Variants in ADAM22 observed in about 807,000 individuals in gnomAD.
ADAM22 encodes disintegrin and metalloproteinase domain-containing protein 22.
ADAM22 carries 65 observed loss-of-function variants against 144.6 expected under a neutral mutation model. That is an observed-to-expected ratio of 0.45 (90% CI 0.37 to 0.55). The LOEUF is 0.55. Ranked by LOEUF, ADAM22 falls within the 20% of genes least tolerant of loss-of-function variation. The pLI, the probability that ADAM22 is intolerant of heterozygous loss-of-function variation, is 0.00. For synonymous variants in ADAM22, 391 were observed against 412.6 expected, an observed-to-expected ratio of 0.95 and a Z score of 0.63; for missense variants, 974 against 1,184.9, an observed-to-expected ratio of 0.82 and a Z score of 2.61.
At chr7:88,022,608 T>A (rs919101040) in intron 3 of ADAM22, among the ~76,000 whole-genome samples, 1 of 152,200 alleles carries the variant, frequency 6.6e-6, no homozygotes, top group Admixed American at 6.5e-5. Context: ...AATTTTATGA[T>A]CTGTTTTGGT....
In ADAM22 at chr7:88,125,605, C is replaced by G. The variant is rs747485610; in HGVS notation, c.624C>G (p.Asn208Lys). ...TCCTTTTAGAATTTCAGCAAGTAAA[C>G]ATTACTCCATCAAAATTTATTTTGA... Reference protein sequence around the residue: ...DDLPSEFQQVNITPSKFILKP... With the variant: ...DDLPSEFQQVKITPSKFILKP... The change falls in exon 8 of 32, where the codon AAC becomes AAG. Residue 208 changes from asparagine to lysine, a missense_variant. Asn to Lys is a moderately conservative substitution (Grantham distance 94, BLOSUM62 0). Coordinates refer to ENST00000413139, the MANE Select transcript of ADAM22 (RefSeq NM_001324418.2). 22 of 1,593,854 alleles carry G rather than the reference C, an allele frequency of 1.4e-5. No homozygotes were observed. The highest frequency in any genetic ancestry group is 1.9e-5 in the Non-Finnish European group (22 of 1,170,366).
In ADAM22 at chr7:88,201,630, T is replaced by A. The variant is rs912432577; in HGVS notation, c.*5139T>A. The A allele has an allele frequency of 1.3e-5, 2 of 152,230 alleles. No individual in the cohort carries two copies. Among genetic ancestry groups the A allele is most frequent in the Non-Finnish European group, 2.9e-5 (2 of 68,058 alleles). The allele number at this position is 152,230 out of a possible 1,614,324, so 9.4% of individuals were successfully genotyped here. A position where few individuals can be genotyped will look rare whatever the true frequency, so the allele number is the denominator to read the frequency against. On this transcript the variant is annotated 3_prime_UTR_variant, in exon 32 of 32. Coordinates refer to ENST00000413139, the MANE Select transcript of ADAM22 (RefSeq NM_001324418.2). Reference sequence around the variant, plus strand: ...CCTGCCTGATGCATCCCTGTTGCACTGTTCATAAAACCTGTATCATATGGG... The same window carrying A: ...CCTGCCTGATGCATCCCTGTTGCACAGTTCATAAAACCTGTATCATATGGG...
chr7:88,008,121 T>A (rs1211187286), intron 3 of ADAM22, among the ~76,000 whole-genome samples: 1 of 151,984 alleles, frequency 6.6e-6, no homozygotes, highest in Non-Finnish European at 1.5e-5. Context: ...AAAGAAGACA[T>A]TTATGCAGCC....
chr7:88,011,805 T>C (rs1795497947), intron 3 of ADAM22, among the ~76,000 whole-genome samples: 1 of 151,828 alleles, frequency 6.6e-6, no homozygotes, highest in Non-Finnish European at 1.5e-5. Flanking sequence ...TGCTGCAGTT[T>C]GAATGATACA....
chr7:87,970,354 C>T (rs1279901706), intron 2 of ADAM22, among the ~76,000 whole-genome samples: 6 of 151,942 alleles, frequency 3.9e-5, no homozygotes, highest in African/African-American at 7.3e-5. Context: ...GTGTTTAGGA[C>T]GCAGTACCTA....
chr7:88,159,054 A>G (rs1487880757), intron 22 of ADAM22, among the ~76,000 whole-genome samples: 3 of 152,154 alleles, frequency 2.0e-5, no homozygotes, highest in Non-Finnish European at 4.4e-5. Flanking sequence ...TTAATACATC[A>G]GAAACGACAA....
intron 3 of ADAM22, among the ~76,000 whole-genome samples, chr7:88,019,522 A>C (rs1797263035): frequency 6.6e-6 from 1 of 151,878 alleles, no homozygotes; most frequent in South Asian, 2.1e-4. Context: ...ACTGACTTTG[A>C]AATTTATAAT....
At chr7:88,086,643 G>A (rs12539024) in intron 4 of ADAM22, among the ~76,000 whole-genome samples, 21,488 of 151,978 alleles carry the variant, frequency 0.14, 2,339 homozygotes, top group African/African-American at 0.29. Context: ...TGATTGACAC[G>A]GACTTCTAAA....
intron 3 of ADAM22, among the ~76,000 whole-genome samples, chr7:88,007,221 A>C (rs1020226135): frequency 1.3e-5 from 2 of 152,206 alleles, no homozygotes; most frequent in African/African-American, 4.8e-5. Context: ...AAGGAGAACT[A>C]CAAACCACTG....
intron 2 of ADAM22, among the ~76,000 whole-genome samples, chr7:87,958,367 T>G (rs909513142): frequency 6.6e-6 from 1 of 151,940 alleles, no homozygotes; most frequent in Non-Finnish European, 1.5e-5. Context: ...GACTTTAAAG[T>G]TTTTTTAAAT....
intron 21 of ADAM22, 107 bp from the exon 22 acceptor site, chr7:88,155,780 A>G (rs1197620458): frequency 1.3e-5 from 17 of 1,339,612 alleles, no homozygotes; most frequent in Middle Eastern, 1.9e-4. Context: ...ATGAGTAGAT[A>G]ATATACTTGA....
chr7:88,017,000 C>T (rs189070219), intron 3 of ADAM22, among the ~76,000 whole-genome samples: 1 of 152,052 alleles, frequency 6.6e-6, no homozygotes, highest in Admixed American at 6.6e-5. Context: ...CACCTGTAGT[C>T]CCAGCTTCTT....
chr7:88,143,038 T>C lies in ADAM22; in HGVS notation c.1233T>C (p.Pro411=), dbSNP rs1486684145. The C allele has an allele frequency of 1.2e-6, 2 of 1,608,932 alleles. No individual in the cohort carries two copies. The highest frequency in any genetic ancestry group is 3.3e-5 in the Admixed American group (2 of 59,782). The change falls in exon 15 of 32, where the codon CCT becomes CCC. Residue 411 remains proline, a synonymous_variant. Coordinates refer to ENST00000413139, the MANE Select transcript of ADAM22 (RefSeq NM_001324418.2). The part of the protein sequence containing the change: ...CIMGDTGYYL[P]KKFTQCNIEE... ...TTCTCTTTTATAGCTATTATCTTCC[T>C]AAAAAGTTCACCCAGTGTAATATTG... is the stretch of plus-strand genomic sequence containing the variant.
At position 88,131,358 on chromosome 7, in the gene ADAM22, A is replaced by C; in HGVS notation, c.915A>C (p.Pro305=). 6.2e-7 allele frequency: 1 copy of C among 1,613,880 alleles called. No homozygotes were observed. Among genetic ancestry groups the C allele is most frequent in the Non-Finnish European group, 8.5e-7 (1 of 1,179,864 alleles). Residue 305 remains proline, a synonymous_variant, in exon 11 of 32, where the codon CCA becomes CCC. Transcript: ENST00000413139. The part of the protein sequence containing the change: ...TDNKFAISEN[P]LITLREFMKY... ...ACAAGTTTGCCATATCTGAAAATCC[A>C]TTGATCACCCTACGTGAGTTTATGA... is the stretch of plus-strand genomic sequence containing the variant.
At chr7:88,031,117 AAAACAAAC>A (rs140722951) in intron 3 of ADAM22, among the ~76,000 whole-genome samples, 1 of 151,286 alleles carries the variant, frequency 6.6e-6, no homozygotes, top group African/African-American at 2.4e-5. Flanking sequence ...CTCCGTCTCA[AAAACAAAC>A]AAACAAACAA....
chr7:87,979,559 C>T (rs1292891700), intron 3 of ADAM22, among the ~76,000 whole-genome samples: 1 of 152,114 alleles, frequency 6.6e-6, no homozygotes, highest in Non-Finnish European at 1.5e-5. Context: ...AAAAGTTTGA[C>T]TACCATTATT....
intron 4 of ADAM22, among the ~76,000 whole-genome samples, chr7:88,076,100 C>A (rs999164121): frequency 1.3e-5 from 2 of 152,104 alleles, no homozygotes; most frequent in Non-Finnish European, 2.9e-5. Context: ...TGCAACAGCG[C>A]GATCTCGGCT....
chr7:87,960,595 T>C (rs1200277596), intron 2 of ADAM22, among the ~76,000 whole-genome samples: 1 of 152,216 alleles, frequency 6.6e-6, no homozygotes, highest in African/African-American at 2.4e-5. Flanking sequence ...CTCTGCAGTA[T>C]GTTTTCACTA....
intron 2 of ADAM22, among the ~76,000 whole-genome samples, chr7:87,953,256 C>T (rs886244059): frequency 1.1e-4 from 17 of 151,918 alleles, no homozygotes; most frequent in Middle Eastern, 3.4e-3. Flanking sequence ...TTGGATCTTT[C>T]CTGCTTTCTC....
Sources: gnomAD v4.1 joint callset for allele counts (sites outside exome capture counted in the v4.1 genomes callset) on GRCh38, gnomAD v4.1.1 for gene constraint, MANE v1.5 for transcripts, NCBI Gene and HGNC (gene_info 2026-07-23, HGNC 2026-07-21) for gene names.